PDE1A: variants seen among roughly 807,000 people sequenced by gnomAD.
The protein encoded by PDE1A is dual specificity calcium/calmodulin-dependent 3',5'-cyclic nucleotide phosphodiesterase 1A.
In PDE1A, 35 loss-of-function variants were observed where a neutral mutation model predicts 61.7. The ratio of observed to expected loss-of-function variants is 0.57; its 90% confidence interval spans 0.43 to 0.75. The LOEUF (loss-of-function observed/expected upper bound fraction) is 0.75. Ranked by LOEUF, PDE1A falls within the 30% of genes least tolerant of loss-of-function variation. The pLI is 0.00. For synonymous variants in PDE1A, 232 were observed against 213.2 expected (o/e 1.09, Z -0.77); for missense variants, 597 against 630.6 (o/e 0.95, Z 0.57).
At chr2:182,233,183 GA>G (rs1689722088) in intron 4 of PDE1A, among the ~76,000 whole-genome samples, 1 of 152,126 alleles carries the variant, frequency 6.6e-6, no homozygotes, top group Non-Finnish European at 1.5e-5. Flanking sequence ...AAATAATAGA[GA>G]AGGCAAAATC....
intron 1 of PDE1A, among the ~76,000 whole-genome samples, chr2:182,385,520 A>C (rs78639777): frequency 0.19 from 28,748 of 151,552 alleles, 3,312 homozygotes; most frequent in East Asian, 0.44. Flanking sequence ...TGCAAGCTTC[A>C]TGTTAATCAC....
intron 1 of PDE1A, among the ~76,000 whole-genome samples, chr2:182,275,299 G>A (rs1229252937): frequency 6.6e-6 from 1 of 152,022 alleles, no homozygotes; most frequent in African/African-American, 2.4e-5. Context: ...AGAGGGAGAG[G>A]AATGCCCTGG....
chr2:182,562,211 T>C, the PDE1A span, among the ~76,000 whole-genome samples: 1 of 152,162 alleles, frequency 6.6e-6, no homozygotes, highest in Non-Finnish European at 1.5e-5. Flanking sequence ...TAGCTCTTAT[T>C]ATGTTGAGAT....
At chr2:182,647,226 A>T in the PDE1A span, among the ~76,000 whole-genome samples, 1 of 152,098 alleles carries the variant, frequency 6.6e-6, no homozygotes, top group African/African-American at 2.4e-5. Flanking sequence ...GCGTGCACTC[A>T]CCTGTGTCCC....
intron 10 of PDE1A, among the ~76,000 whole-genome samples, chr2:182,193,227 C>T (rs116415937): frequency 0.015 from 2,349 of 152,146 alleles, 36 homozygotes; most frequent in South Asian, 0.058. Flanking sequence ...ACCTTGTGAT[C>T]CGTCTGCTCC....
intron 1 of PDE1A, among the ~76,000 whole-genome samples, chr2:182,357,760 T>A (rs879433251): frequency 4.0e-4 from 61 of 152,216 alleles, no homozygotes; most frequent in Non-Finnish European, 7.2e-4. Flanking sequence ...ACCAATTCTG[T>A]TGTATTCTGA....
chr2:182,205,563 T>A (rs1559181523), intron 8 of PDE1A, among the ~76,000 whole-genome samples: 3 of 152,012 alleles, frequency 2.0e-5, no homozygotes, highest in African/African-American at 4.8e-5. Context: ...CCACATCTTT[T>A]AAAAAAAATA....
At chr2:182,468,261 G>A (rs1358295586) in intron 2 of PDE1A, among the ~76,000 whole-genome samples, 1 of 151,984 alleles carries the variant, frequency 6.6e-6, no homozygotes, top group Non-Finnish European at 1.5e-5. Flanking sequence ...TGAAATTGAA[G>A]TCAATCCTCT....
chr2:182,623,993 C>T, the PDE1A span, among the ~76,000 whole-genome samples: 1 of 151,508 alleles, frequency 6.6e-6, no homozygotes, highest in Non-Finnish European at 1.5e-5. Context: ...GGCGTAGTGG[C>T]GGGCGCCTGT....
chr2:182,255,925 G>A (rs984765400), intron 2 of PDE1A, among the ~76,000 whole-genome samples: 100 of 151,466 alleles, frequency 6.6e-4, no homozygotes, highest in Middle Eastern at 3.4e-3. Context: ...ACCCGCCTCG[G>A]CCTCCCAAAG....
chr2:182,260,201 T>C (rs1346443473), intron 2 of PDE1A, among the ~76,000 whole-genome samples: 1 of 152,258 alleles, frequency 6.6e-6, no homozygotes, highest in Non-Finnish European at 1.5e-5. Context: ...GTGTTTTACA[T>C]TGCTTTATTT....
At chr2:182,180,364 A>G (rs960755172) in intron 13 of PDE1A, among the ~76,000 whole-genome samples, 1 of 152,146 alleles carries the variant, frequency 6.6e-6, no homozygotes, top group Non-Finnish European at 1.5e-5. Flanking sequence ...TTTAGGTTGA[A>G]AAATTCTTAT....
chr2:182,538,604 A>G, the PDE1A span, among the ~76,000 whole-genome samples: 6 of 152,124 alleles, frequency 3.9e-5, no homozygotes, highest in African/African-American at 1.4e-4. Flanking sequence ...TTCACTTTTA[A>G]TTATAAAATT....
Position 182,509,100 on chromosome 2 carries a change from T to C in PDE1A, c.101+13176A>G, listed in dbSNP as rs183975022. On this transcript the variant is annotated intron_variant, in intron 2 of 14. Transcript: ENST00000410103. The stretch of plus-strand genomic sequence containing the variant: ...TTTATTTTCATTGGTTAAAAAAAAA[T>C]CTTCTGAAATGGGCACCCAGACATT... Among the ~76,000 whole-genome samples the C allele has an allele frequency of 1.5e-3, 224 of 152,030 alleles. 1 individual carries two copies. In the East Asian group the frequency reaches 0.04, roughly 27 times the overall value.
chr2:182,608,658 C>T, the PDE1A span, among the ~76,000 whole-genome samples: 4 of 152,238 alleles, frequency 2.6e-5, no homozygotes, highest in Non-Finnish European at 5.9e-5. Flanking sequence ...GGGCTCGGGA[C>T]CTGCAGCGGG....
At chr2:182,393,102 T>C (rs1005393172) in intron 1 of PDE1A, among the ~76,000 whole-genome samples, 2 of 152,222 alleles carry the variant, frequency 1.3e-5, no homozygotes, top group African/African-American at 2.4e-5. Flanking sequence ...CTTGCAGAGG[T>C]TCTCCATAAG....
chr2:182,538,002 T>C, the PDE1A span, among the ~76,000 whole-genome samples: 1 of 152,180 alleles, frequency 6.6e-6, no homozygotes, highest in Non-Finnish European at 1.5e-5. Context: ...CCCTTCTGTA[T>C]GACTTCTTCC....
chr2:182,238,817 C>A (rs1690272032), intron 3 of PDE1A, among the ~76,000 whole-genome samples: 3 of 152,078 alleles, frequency 2.0e-5, no homozygotes, highest in Admixed American at 1.3e-4. Context: ...TTAGCATATT[C>A]AGATATTTTA....
At chr2:182,365,354 C>T (rs1353513864) in intron 1 of PDE1A, among the ~76,000 whole-genome samples, 1 of 151,956 alleles carries the variant, frequency 6.6e-6, no homozygotes, top group African/African-American at 2.4e-5. Flanking sequence ...CTGTTTTCTC[C>T]TGTTTTCATG....
Sources: allele counts gnomAD v4.1 joint callset (sites outside exome capture counted in the v4.1 genomes callset), GRCh38; gene constraint gnomAD v4.1.1; transcripts MANE v1.5; gene names NCBI Gene and HGNC (gene_info 2026-07-23, HGNC 2026-07-21).